The following PKD1 variants were observed in gnomAD, a reference collection of about 807,000 sequenced individuals.
The protein encoded by PKD1 is polycystin-1.
PKD1 carries 81 observed loss-of-function variants against 361.7 expected under a neutral mutation model. The observed-to-expected ratio is 0.22, with a 90% CI of 0.19 to 0.27. The LOEUF (loss-of-function observed/expected upper bound fraction) is 0.27. Among genes scored for constraint, PKD1 ranks in the 10% least tolerant of loss-of-function variants. The probability of loss-of-function intolerance (pLI) is 1.00; values close to 1 mark genes in which losing one functional copy is unlikely to be tolerated. For missense variants in PKD1, 6,399 were observed against 6,118.3 expected, an observed-to-expected ratio of 1.05 and a Z score of -1.53; for synonymous variants, 3,615 against 2,818.3, an observed-to-expected ratio of 1.28 and a Z score of -8.95.
intron 1 of PKD1, among the ~76,000 whole-genome samples, chr16:2,128,662 C>T (rs141752500): frequency 6.8e-4 from 103 of 152,286 alleles, no homozygotes; most frequent in Middle Eastern, 3.4e-3. Flanking sequence ...GGGCTCAGCG[C>T]GGAGCCCGGC....
chr16:2,130,027 C>G (rs1339359341), intron 1 of PKD1, among the ~76,000 whole-genome samples: 1 of 152,234 alleles, frequency 6.6e-6, no homozygotes, highest in Non-Finnish European at 1.5e-5. Context: ...GCCTCCCCAT[C>G]CCTTCCCCCA....
At chr16:2,094,534 C>G (rs1469991434) in intron 34 of PKD1, among the ~76,000 whole-genome samples, 1 of 152,230 alleles carries the variant, frequency 6.6e-6, no homozygotes, top group Non-Finnish European at 1.5e-5. Flanking sequence ...CCCCCTTCAA[C>G]CCTGCAAACT....
chr16:2,123,356 T>G (rs905331684), intron 1 of PKD1: 5 of 383,628 alleles, frequency 1.3e-5, no homozygotes, highest in East Asian at 1.5e-4. Flanking sequence ...GCGTCTGCCC[T>G]GGGTAGGACT....
Position 2,106,164 on chromosome 16 carries a change from T to G in PKD1, c.7630A>C (p.Arg2544=). Residue 2544 remains arginine (R), a synonymous_variant, in exon 19 of 46, where the codon AGG becomes CGG. Transcript: ENST00000262304. This position sits in a 1 kb window ranked among gnomAD's most constrained non-coding sequence, Gnocchi z 6.5. ...GCCAGGCCCACCTCGAAGTGTGGCC[T>G]GAAACCCGGGGGCAGCACGGCTCCG... is the stretch of plus-strand genomic sequence containing the variant. The part of the protein sequence containing the change: ...SYGAVLPPGF[R]PHFEVGLAVV... 2 of 1,608,746 alleles carry G rather than the reference T, an allele frequency of 1.2e-6. No individual in the cohort carries two copies. Among genetic ancestry groups the G allele is most frequent in the African/African-American group, 2.7e-5 (2 of 74,890 alleles).
rs759014943 is a variant in PKD1, at chr16:2,090,662, G to A, written c.12138+12C>T. On this transcript the variant is annotated intron_variant, in intron 44 of 45. Transcript: ENST00000262304. ...GAGCTAAGACGCCCTCCCCGGCCGC[G>A]CAGTCACCTACCAGGATGGCCAGCT... The A allele has an allele frequency of 1.3e-4, 215 of 1,611,374 alleles. No individual in the cohort carries two copies. Among genetic ancestry groups the A allele is most frequent in the Non-Finnish European group, 1.7e-4 (204 of 1,179,822 alleles).
rs781184044 is a variant in PKD1 at position 2,110,249 on chromosome 16, C to T, written c.4918G>A (p.Gly1640Ser). 3.0e-5 allele frequency: 49 copies of T among 1,611,998 alleles called. No homozygotes were observed. The highest frequency in any genetic ancestry group is 5.5e-5 in the South Asian group (5 of 91,066). ...QLIEGLQVVG[G>S]GRYFPTNHTV... ...TGGTTGGTGGGGAAGTAGCGGCCACCGCCCACCACCTGCAGCCCCTCTATG... is the reference window on the plus strand; with the variant it reads ...TGGTTGGTGGGGAAGTAGCGGCCACTGCCCACCACCTGCAGCCCCTCTATG... The change falls in exon 15 of 46, where the codon GGT (glycine) becomes AGT (serine). Residue 1640 changes from glycine (G) to serine (S), a missense_variant. Gly to Ser is a moderately conservative substitution (Grantham distance 56, BLOSUM62 0). Coordinates refer to ENST00000262304, the MANE Select transcript of PKD1 (RefSeq NM_001009944.3).
rs945336698 is a variant in PKD1, at chr16:2,093,652, C to T, written c.10908G>A (p.Val3636=). The part of the protein sequence containing the change: ...EDDTLVESPA[V]TPVSARVPRV... Reference sequence around the variant, plus strand: ...GGGGCACACGTGCGCTCACAGGCGTCACAGCCGGGCTCTCTACCAGGGTGT... The same window carrying T: ...GGGGCACACGTGCGCTCACAGGCGTTACAGCCGGGCTCTCTACCAGGGTGT... The change falls in exon 37 of 46, where the codon GTG becomes GTA. Residue 3636 remains valine, a synonymous_variant. Transcript: ENST00000262304. 5.6e-5 allele frequency: 90 copies of T among 1,608,376 alleles called. No individual in the cohort carries two copies. Among genetic ancestry groups the T allele is most frequent in the Non-Finnish European group, 7.6e-5 (89 of 1,177,822 alleles).
intron 10 of PKD1, 145 bp downstream of exon 10, chr16:2,115,233 G>A (rs2092611296): frequency 9.5e-7 from 1 of 1,057,398 alleles, no homozygotes. Flanking sequence ...CGAGGGCACT[G>A]CAGAGGTCGG....
chr16:2,091,995 GAAC>G (rs2091608653), intron 40 of PKD1, 49 bp downstream of exon 40: 4 of 1,612,460 alleles, frequency 2.5e-6, no homozygotes, highest in Admixed American at 3.3e-5. Context: ...CACTCCTGGA[GAAC>G]TACTCCCTTG....
intron 1 of PKD1, among the ~76,000 whole-genome samples, chr16:2,119,643 C>T (rs1206389763): frequency 6.6e-6 from 1 of 152,206 alleles, no homozygotes; most frequent in Non-Finnish European, 1.5e-5. Flanking sequence ...CCTGTCCACC[C>T]AGGGCCAGGA....
At position 2,093,736 on chromosome 16, in the gene PKD1, G is replaced by C; in HGVS notation, c.10824C>G (p.Val3608=). Residue 3608 remains valine, a splice_region_variant and synonymous_variant, in exon 37 of 46, where the codon GTC becomes GTG. Coordinates refer to ENST00000262304, the MANE Select transcript of PKD1 (RefSeq NM_001009944.3). ...ASFLGWEPLK[V]LLEALYFSLV... ...GTGAGAAGTACAGGGCTTCCAGCAA[G>C]ACCTGGGGAGGGGGTGGCTTCAGAG... 7 of 1,581,124 alleles carry C rather than the reference G, an allele frequency of 4.4e-6. No homozygotes were observed. The highest frequency in any genetic ancestry group is 6.0e-6 in the Non-Finnish European group (7 of 1,162,984).
intron 16 of PKD1, chr16:2,107,216 C>T (rs1303729823): frequency 5.7e-6 from 3 of 528,946 alleles, no homozygotes; most frequent in African/African-American, 1.9e-5. Context: ...GCAATGCTCA[C>T]TGAGGGCCCC....
intron 1 of PKD1, 89 bp downstream of exon 1, chr16:2,135,386 G>C (rs2092938644): frequency 9.3e-7 from 1 of 1,076,706 alleles, no homozygotes; most frequent in Non-Finnish European, 1.1e-6. Flanking sequence ...GTCCTGGCCC[G>C]CGTCCTGCTT....
intron 1 of PKD1, chr16:2,119,953 C>T (rs1365393063): frequency 1.3e-5 from 8 of 624,264 alleles, no homozygotes; most frequent in East Asian, 1.1e-4. Flanking sequence ...GGGGCACACG[C>T]CGGTAACACA....
At chr16:2,097,545 A>T (rs771624239) in intron 32 of PKD1, 42 bp from the exon 33 acceptor site, 85 of 1,602,890 alleles carry the variant, frequency 5.3e-5, no homozygotes, top group Non-Finnish European at 7.0e-5. Flanking sequence ...GGGATGTGTC[A>T]CACACACAGC....
rs754056316 is a variant in PKD1 at position 2,102,958 on chromosome 16, G to A, written c.8804C>T (p.Ser2935Phe). Reference sequence around the variant, plus strand: ...TGCCAGGTAGGGCTCAGGTTCCTCAGACAGGTAGTGGCCTGGGGCAGAACG... The same window carrying A: ...TGCCAGGTAGGGCTCAGGTTCCTCAAACAGGTAGTGGCCTGGGGCAGAACG... ...NYTLLDGHYL[S>F]EEPEPYLAVY... The change falls in exon 24 of 46, where the codon TCT becomes TTT. Residue 2935 changes from serine (S) to phenylalanine (F), a missense_variant. Coordinates refer to ENST00000262304, the MANE Select transcript of PKD1 (RefSeq NM_001009944.3). 6.2e-7 allele frequency: 1 copy of A among 1,605,510 alleles called. No individual in the cohort carries two copies. The highest frequency in any genetic ancestry group is 2.2e-5 in the East Asian group (1 of 44,892).
Position 2,109,809 on chromosome 16 carries a change from C to G in PKD1, c.5358G>C (p.Pro1786=). The part of the protein sequence containing the change: ...LHLVTMTAGN[P]LGSANATVEV... ...CCACGGTGGCGTTGGCTGAGCCCAG[C>G]GGGTTCCCTGCCGTCATGGTGACCA... Residue 1786 remains proline, a synonymous_variant, in exon 15 of 46, where the codon CCG becomes CCC. Transcript: ENST00000262304. 2 of 1,610,494 alleles carry G rather than the reference C, an allele frequency of 1.2e-6. No individual in the cohort carries two copies. Among genetic ancestry groups the G allele is most frequent in the Admixed American group, 1.7e-5 (1 of 60,008 alleles).
chr16:2,107,726 C>T lies in PKD1; in HGVS notation c.7065+157G>A, dbSNP rs2092393218. ...GAACTGTGGCAGGTTTGGAAGGAAG[C>T]AAAGCTGAAGCAGGCTGTCGTGTTA... On this transcript the variant is annotated intron_variant, in intron 16 of 45. Coordinates refer to ENST00000262304, the MANE Select transcript of PKD1 (RefSeq NM_001009944.3). The T allele has an allele frequency of 2.7e-5, 20 of 730,798 alleles. No homozygotes were observed. The South Asian group carries it at 2.8e-4, about 10-fold the overall frequency. 45.3% of individuals were successfully genotyped at this position (730,798 alleles called of 1,614,324 possible). A position where few individuals can be genotyped will look rare whatever the true frequency, so the allele number is the denominator to read the frequency against.
chr16:2,108,398 C>G lies in PKD1; in HGVS notation c.6769G>C (p.Val2257Leu), dbSNP rs780375073. 6.2e-7 allele frequency: 1 copy of G among 1,610,458 alleles called. No homozygotes were observed. The highest frequency in any genetic ancestry group is 1.3e-5 in the African/African-American group (1 of 74,862). ...ANVTVAPERL[V>L]PIIEGGSYRV... ...TATGAGCCACCCTCAATGATGGGCA[C>G]CAGGCGCTCGGGGGCCACCGTCACA... Residue 2257 changes from valine to leucine, a missense_variant, in exon 15 of 46, where the codon GTG becomes CTG. Coordinates refer to ENST00000262304, the MANE Select transcript of PKD1 (RefSeq NM_001009944.3).
Sources: allele counts gnomAD v4.1 joint callset (sites outside exome capture counted in the v4.1 genomes callset), GRCh38; gene constraint gnomAD v4.1.1; non-coding constraint Gnocchi (gnomAD v3.1); transcripts MANE v1.5; gene names NCBI Gene and HGNC (gene_info 2026-07-23, HGNC 2026-07-21).